The following DENND11 variants were observed in gnomAD, a reference collection of about 807,000 sequenced individuals.
DENND11 encodes DENN domain containing 11.
In DENND11, 34 loss-of-function variants were observed where a neutral mutation model predicts 49.2. That is an observed-to-expected ratio of 0.69 (90% confidence interval 0.53 to 0.92). DENND11 has a LOEUF of 0.92. Among genes scored for constraint, DENND11 ranks in the 40% least tolerant of loss-of-function variants. DENND11 has a pLI of 0.00. For missense variants in DENND11, 475 were observed against 581.6 expected (o/e 0.82, Z 1.88); for synonymous variants, 238 against 230.3 (o/e 1.03, Z -0.30).
rs557850630 is a variant in DENND11, at chr7:141,685,058, A to T, written c.527+420T>A. ...TATATATATATATATATATATATATATTTTTAAGTTCTCTTTCTATTATCC... is the reference window on the plus strand; with the variant it reads ...TATATATATATATATATATATATATTTTTTTAAGTTCTCTTTCTATTATCC... On this transcript the variant is annotated intron_variant, in intron 3 of 8. Transcript: ENST00000536163. Among the ~76,000 whole-genome samples, 239 of 128,864 alleles carry T rather than the reference A, an allele frequency of 1.9e-3. 2 individuals carry two copies. The highest frequency in any genetic ancestry group is 0.015 in the South Asian group (54 of 3,698). The allele number at this position is 128,864 out of a possible 152,430, so 84.5% of individuals were successfully genotyped here. A position where few individuals can be genotyped will look rare whatever the true frequency, so the allele number is the denominator to read the frequency against.
intron 4 of DENND11, among the ~76,000 whole-genome samples, chr7:141,671,581 G>T (rs193048235): frequency 6.6e-6 from 1 of 152,266 alleles, no homozygotes; most frequent in African/African-American, 2.4e-5. Context: ...CATCTCCTAG[G>T]GTCTAACAGT....
chr7:141,665,084 ACCCACCCG>A (rs1479094269), intron 6 of DENND11, 30 bp from the exon 7 acceptor site: 1 of 1,610,720 alleles, frequency 6.2e-7, no homozygotes, highest in Non-Finnish European at 8.5e-7. Flanking sequence ...AGAGGTGGGA[ACCCACCCG>A]ACCCCACTGG....
intron 3 of DENND11, among the ~76,000 whole-genome samples, chr7:141,681,714 C>G (rs1798149201): frequency 6.6e-6 from 1 of 152,180 alleles, no homozygotes; most frequent in South Asian, 2.1e-4. Context: ...ACATGCTTGG[C>G]TTATAAAAGC....
chr7:141,693,501 A>G (rs1265837833), intron 1 of DENND11, among the ~76,000 whole-genome samples: 5 of 152,232 alleles, frequency 3.3e-5, no homozygotes, highest in Admixed American at 3.3e-4. Context: ...GTATTTATCC[A>G]AATGAGCTGA....
chr7:141,690,576 C>T (rs1798311915), intron 1 of DENND11, among the ~76,000 whole-genome samples: 1 of 152,144 alleles, frequency 6.6e-6, no homozygotes, highest in Non-Finnish European at 1.5e-5. Context: ...TTTTTCGGTT[C>T]CTCTGATTGA....
At position 141,657,216 on chromosome 7, in the gene DENND11, ACAAAAATTCAGT is replaced by A. The variant is rs1393272009; in HGVS notation, c.*5428_*5439del. 2 of 152,562 alleles carry A rather than the reference ACAAAAATTCAGT, an allele frequency of 1.3e-5. No homozygotes were observed. Among genetic ancestry groups the A allele is most frequent in the Non-Finnish European group, 2.9e-5 (2 of 68,044 alleles). The allele number at this position is 152,562 out of a possible 1,614,324, so 9.5% of individuals were successfully genotyped here. ...TTTAGGCTTATTTTCCCGGACCTATACAAAAATTCAGTCAACAAGTTTTGGGTAAATAAAGGA... is the reference window on the plus strand; with the variant it reads ...TTTAGGCTTATTTTCCCGGACCTATACAACAAGTTTTGGGTAAATAAAGGA... On this transcript the variant is annotated 3_prime_UTR_variant, in exon 9 of 9. Coordinates refer to ENST00000536163, the MANE Select transcript of DENND11 (RefSeq NM_001080392.2).
chr7:141,682,469 T>C (rs1798162462), intron 3 of DENND11, among the ~76,000 whole-genome samples: 1 of 152,254 alleles, frequency 6.6e-6, no homozygotes, highest in Admixed American at 6.5e-5. Flanking sequence ...GTCTCTGTGA[T>C]TGAGGACTTG....
chr7:141,677,433 A>ATG lies in DENND11; in HGVS notation c.528-3215_528-3214dup, dbSNP rs146524088. Among the ~76,000 whole-genome samples, 222 of 141,012 alleles carry ATG rather than the reference A, an allele frequency of 1.6e-3. 2 individuals carry two copies. Among genetic ancestry groups the ATG allele is most frequent in the South Asian group, 8.5e-3 (38 of 4,476 alleles). The allele number at this position is 141,012 out of a possible 152,430, so 92.5% of individuals were successfully genotyped here. A position where few individuals can be genotyped will look rare whatever the true frequency, so the allele number is the denominator to read the frequency against. ...TATATATATATATATACACATATAT[A>ATG]TGTGTGTGTGTGTGTGTATTTACAT... On this transcript the variant is annotated intron_variant, in intron 3 of 8. Coordinates refer to ENST00000536163, the MANE Select transcript of DENND11 (RefSeq NM_001080392.2).
chr7:141,660,783 G>A lies in DENND11; in HGVS notation c.*1873C>T, dbSNP rs2117047446. 6.5e-6 allele frequency: 1 copy of A among 152,740 alleles called. No individual in the cohort carries two copies. 9.5% of individuals were successfully genotyped at this position (152,740 alleles called of 1,614,324 possible). On this transcript the variant is annotated 3_prime_UTR_variant, in exon 9 of 9. Transcript: ENST00000536163. Reference sequence around the variant, plus strand: ...GGACCCCTCAACCCTTGAGAGGCAAGAAGAGAGGGTTGCATGTAAAGGAGA... The same window carrying A: ...GGACCCCTCAACCCTTGAGAGGCAAAAAGAGAGGGTTGCATGTAAAGGAGA...
At chr7:141,672,901 C>A (rs542803701) in intron 4 of DENND11, among the ~76,000 whole-genome samples, 2 of 152,144 alleles carry the variant, frequency 1.3e-5, no homozygotes, top group Non-Finnish European at 2.9e-5. Flanking sequence ...TCTCTTTACC[C>A]GGTAAGCCCC....
Position 141,685,520 on chromosome 7 carries a change from G to A in DENND11, c.485C>T (p.Thr162Ile), listed in dbSNP as rs753427075. ...GAAGTGCATGTAGCGGTAAAGCAGT[G>A]TGTAGGAGGGAGAGAGGATGCCCAC... ...KSVGILSPSY[T>I]LLYRYMHFLE... is the part of the protein sequence containing the mutation. The change falls in exon 3 of 9, where the codon ACA becomes ATA. Residue 162 changes from threonine to isoleucine, a missense_variant. By Grantham distance (89) the Thr-to-Ile change is moderately conservative. Transcript: ENST00000536163. 16 of 1,613,866 alleles carry A rather than the reference G, an allele frequency of 9.9e-6. No individual in the cohort carries two copies. Among genetic ancestry groups the A allele is most frequent in the Non-Finnish European group, 1.4e-5 (16 of 1,179,904 alleles).
chr7:141,662,793 G>C lies in DENND11; in HGVS notation c.1231C>G (p.Gln411Glu). Residue 411 changes from glutamine (Q) to glutamate (E), a missense_variant, in exon 9 of 9, where the codon CAA (glutamine) becomes GAA (glutamate). Transcript: ENST00000536163. Reference protein sequence around the residue: ...FQTLLEVSASQDKTLTAEHAR... With the variant: ...FQTLLEVSASEDKTLTAEHAR... ...TGCTCTGCTGTCAGAGTTTTGTCTTGACTGGCAGACACCTCCAACAAAGTC... is the reference window on the plus strand; with the variant it reads ...TGCTCTGCTGTCAGAGTTTTGTCTTCACTGGCAGACACCTCCAACAAAGTC... The C allele has an allele frequency of 6.2e-7, 1 of 1,600,562 alleles. No homozygotes were observed. Among genetic ancestry groups the C allele is most frequent in the Non-Finnish European group, 8.5e-7 (1 of 1,173,266 alleles).
At chr7:141,701,817 C>T (rs1798525043) in intron 1 of DENND11, 69 bp downstream of exon 1, 2 of 1,120,058 alleles carry the variant, frequency 1.8e-6, no homozygotes, top group Non-Finnish European at 2.2e-6. Flanking sequence ...GCGAGCCCCT[C>T]CCCCGCGCCC....
intron 3 of DENND11, among the ~76,000 whole-genome samples, chr7:141,685,001 C>T (rs1409472341): frequency 8.9e-5 from 10 of 112,494 alleles, no homozygotes; most frequent in African/African-American, 3.4e-4. Flanking sequence ...ATAGTAAGAG[C>T]CTGTCTCTAC....
intron 3 of DENND11, among the ~76,000 whole-genome samples, chr7:141,678,363 CAGT>C (rs1185588567): frequency 3.3e-5 from 5 of 152,178 alleles, no homozygotes; most frequent in African/African-American, 1.2e-4. Flanking sequence ...GAAATGTTAA[CAGT>C]AGATATGTCT....
chr7:141,686,077 A>G (rs1272561176), intron 2 of DENND11, among the ~76,000 whole-genome samples: 1 of 152,144 alleles, frequency 6.6e-6, no homozygotes, highest in Non-Finnish European at 1.5e-5. Context: ...TCACACTTGT[A>G]TCAATCATGA....
At chr7:141,667,307 T>TA (rs1485544467) in intron 4 of DENND11, among the ~76,000 whole-genome samples, 5 of 152,180 alleles carry the variant, frequency 3.3e-5, no homozygotes, top group Admixed American at 1.3e-4. Context: ...GTTAAGAGCA[T>TA]AAGCTCTGAT....
At chr7:141,685,028 AAATATATATAT>A (rs1218527835) in intron 3 of DENND11, among the ~76,000 whole-genome samples, 10 of 100,886 alleles carry the variant, frequency 9.9e-5, no homozygotes, top group African/African-American at 3.4e-4. Context: ...AAAAAAAAAA[AAATATATATAT>A]ATATATATAT....
intron 4 of DENND11, among the ~76,000 whole-genome samples, chr7:141,672,815 C>G (rs1282339000): frequency 6.6e-6 from 1 of 152,088 alleles, no homozygotes; most frequent in Non-Finnish European, 1.5e-5. Flanking sequence ...TTACCTATTC[C>G]TTTTTTACTC....
Sources: gnomAD v4.1 joint callset for allele counts (sites outside exome capture counted in the v4.1 genomes callset) on GRCh38, gnomAD v4.1.1 for gene constraint, MANE v1.5 for transcripts, NCBI Gene and HGNC (gene_info 2026-07-23, HGNC 2026-07-21) for gene names.